BRWD3: variants seen among roughly 807,000 people sequenced by gnomAD.
BRWD3 encodes the protein bromodomain and WD repeat domain containing 3.
In BRWD3, 10 loss-of-function variants were observed where a neutral mutation model predicts 149.7. That is an observed-to-expected ratio of 0.07 (90% CI 0.04 to 0.11). The LOEUF is 0.11. Ranked by LOEUF, BRWD3 falls within the 10% of genes least tolerant of loss-of-function variation. BRWD3 has a pLI of 1.00. For missense variants in BRWD3, 940 were observed against 1,373.2 expected (o/e 0.68, Z 4.99); for synonymous variants, 504 against 456.7 (o/e 1.10, Z -1.32).
At chrX:80,723,971 T>C in intron 15 of BRWD3, 95 bp from the exon 16 acceptor site, 3 of 940,549 alleles carry the variant, frequency 3.2e-6, no homozygotes, top group Non-Finnish European at 4.5e-6. Flanking sequence ...GACTCTGTGA[T>C]ACACAAACAT....
At chrX:80,709,156 C>T (rs1183323286) in intron 21 of BRWD3, among the ~76,000 whole-genome samples, 4 of 110,694 alleles carry the variant, frequency 3.6e-5, no homozygotes, top group South Asian at 3.9e-4. Flanking sequence ...AGGCTGATTT[C>T]CTCTTACTCT....
chrX:80,704,436 G>A (rs991072283), intron 23 of BRWD3, among the ~76,000 whole-genome samples: 2 of 111,928 alleles, frequency 1.8e-5, no homozygotes, highest in Admixed American at 1.9e-4. Flanking sequence ...ACATTGCTAC[G>A]TTTTAACAAA....
intron 20 of BRWD3, among the ~76,000 whole-genome samples, chrX:80,714,490 T>C (rs1369991801): frequency 8.1e-5 from 9 of 111,206 alleles, no homozygotes; most frequent in Admixed American, 5.7e-4. Flanking sequence ...CAGAAAATCT[T>C]GGATTGGAAA....
At position 80,792,035 on chromosome X, in the gene BRWD3, T is replaced by C. The variant is rs997027403; in HGVS notation, c.332-83A>G. On this transcript the variant is annotated intron_variant, in intron 5 of 40. Coordinates refer to ENST00000373275, the MANE Select transcript of BRWD3 (RefSeq NM_153252.5). ...CTCAGAAGCAAATGTCTGATTTTAA[T>C]TTAATTTGTTGGAATACATTTTTAA... The C allele has an allele frequency of 1.9e-5, 11 of 591,670 alleles. No individual in the cohort carries two copies. The East Asian group carries it at 2.5e-4, about 14-fold the overall frequency. 48.8% of individuals were successfully genotyped at this position (591,670 alleles called of 1,213,427 possible).
At position 80,795,507 on chromosome X, in the gene BRWD3, G is replaced by A. The variant is rs776292995; in HGVS notation, c.181-1735C>T. On this transcript the variant is annotated intron_variant, in intron 4 of 40. Coordinates refer to ENST00000373275, the MANE Select transcript of BRWD3 (RefSeq NM_153252.5). ...TACATGTATGTGTATATATGTATAT[G>A]TATGTATACATATACATATATGTGT... 3.7e-5 allele frequency among the ~76,000 whole-genome samples: 4 copies of A among 108,923 alleles called. No homozygotes were observed. In the South Asian group the frequency reaches 1.5e-3, roughly 42 times the overall value. The allele number at this position is 108,923 out of a possible 115,157, so 94.6% of individuals were successfully genotyped here.
chrX:80,805,155 G>A (rs2074337335), intron 4 of BRWD3, among the ~76,000 whole-genome samples: 1 of 111,397 alleles, frequency 9.0e-6, no homozygotes, highest in South Asian at 3.7e-4. Context: ...GACCGTTTCA[G>A]AAAACAGAAG....
intron 20 of BRWD3, among the ~76,000 whole-genome samples, chrX:80,712,996 C>T (rs2073010145): frequency 9.1e-6 from 1 of 110,310 alleles, no homozygotes; most frequent in African/African-American, 3.3e-5. Flanking sequence ...CGCCCGGCAG[C>T]CACCCCGTCC....
At chrX:80,683,938 G>T in intron 37 of BRWD3, 72 bp downstream of exon 37, 2 of 1,045,258 alleles carry the variant, frequency 1.9e-6, no homozygotes, top group East Asian at 3.1e-5. Context: ...TTTCAAAAAA[G>T]ATACTGAGGA....
At chrX:80,725,884 T>C (rs971484584) in intron 14 of BRWD3, among the ~76,000 whole-genome samples, 1 of 109,705 alleles carries the variant, frequency 9.1e-6, no homozygotes, top group African/African-American at 3.3e-5. Context: ...ATGTGTTACA[T>C]GCCTATATAA....
intron 24 of BRWD3, 58 bp from the exon 25 acceptor site, chrX:80,700,122 A>C: frequency 2.5e-6 from 2 of 814,736 alleles, no homozygotes; most frequent in East Asian, 6.5e-5. Flanking sequence ...CTGTATGTCC[A>C]ATATACATTC....
At chrX:80,724,363 T>A (rs2073190283) in intron 15 of BRWD3, among the ~76,000 whole-genome samples, 1 of 111,597 alleles carries the variant, frequency 9.0e-6, no homozygotes, top group Non-Finnish European at 1.9e-5. Flanking sequence ...TAGAAACGTT[T>A]AATGAGAATT....
intron 24 of BRWD3, 87 bp from the exon 25 acceptor site, chrX:80,700,151 G>A: frequency 1.5e-6 from 1 of 657,235 alleles, no homozygotes; most frequent in Non-Finnish European, 2.4e-6. Flanking sequence ...ATCCTCTTCT[G>A]TTTGCAGAAA....
At chrX:80,787,049 G>GA (rs1211220912) in intron 6 of BRWD3, among the ~76,000 whole-genome samples, 61 of 100,381 alleles carry the variant, frequency 6.1e-4, no homozygotes, top group East Asian at 1.6e-3. Context: ...AAAACAAAAA[G>GA]AAAAAAAAAA....
chrX:80,710,308 G>A, intron 20 of BRWD3: 1 of 333,208 alleles, frequency 3.0e-6, no homozygotes. Flanking sequence ...ATGGTGTTAG[G>A]CTACTTACTG....
chrX:80,787,976 C>G (rs1052392440), intron 6 of BRWD3, among the ~76,000 whole-genome samples: 2 of 109,264 alleles, frequency 1.8e-5, no homozygotes, highest in African/African-American at 6.7e-5. Context: ...CCCAGCTACT[C>G]GGGAGGCTGA....
chrX:80,722,434 A>C, intron 17 of BRWD3, 128 bp downstream of exon 17: 1 of 629,955 alleles, frequency 1.6e-6, no homozygotes, highest in Non-Finnish European at 2.5e-6. Flanking sequence ...GAAAATAAAC[A>C]GTAACAGAAG....
At chrX:80,711,574 T>C (rs1241219337) in intron 20 of BRWD3, among the ~76,000 whole-genome samples, 1 of 111,972 alleles carries the variant, frequency 8.9e-6, no homozygotes, top group East Asian at 2.8e-4. Flanking sequence ...ACCAAAAGTC[T>C]GGCACTTTTA....
chrX:80,798,051 C>T (rs1234452704), intron 4 of BRWD3, among the ~76,000 whole-genome samples: 2 of 110,897 alleles, frequency 1.8e-5, no homozygotes, highest in Non-Finnish European at 1.9e-5. Flanking sequence ...GCCGAGATCA[C>T]GCCACTGCAC....
chrX:80,726,287 CAT>C (rs779230424), intron 14 of BRWD3, among the ~76,000 whole-genome samples: 106 of 102,989 alleles, frequency 1.0e-3, no homozygotes, highest in Non-Finnish European at 1.0e-3. Context: ...GTCTGTATAA[CAT>C]ATAACACGTT....
Sources: allele counts gnomAD v4.1 joint callset (sites outside exome capture counted in the v4.1 genomes callset), GRCh38; gene constraint gnomAD v4.1.1; transcripts MANE v1.5; gene names NCBI Gene and HGNC (gene_info 2026-07-23, HGNC 2026-07-21).